VDAC2: variants seen among roughly 807,000 people sequenced by gnomAD.
VDAC2 encodes the protein non-selective voltage-gated ion channel VDAC2.
VDAC2 carries 6 observed loss-of-function variants against 36.6 expected under a neutral mutation model. That is an observed-to-expected ratio of 0.16 (90% CI 0.09 to 0.32). The LOEUF (loss-of-function observed/expected upper bound fraction) is 0.32, where lower values mean the gene tolerates loss of function less well. Ranked by LOEUF, VDAC2 falls within the 10% of genes least tolerant of loss-of-function variation. VDAC2 has a pLI of 1.00. For missense variants in VDAC2, 247 were observed against 346.0 expected, an observed-to-expected ratio of 0.71 and a Z score of 2.27; for synonymous variants, 109 against 123.8, an observed-to-expected ratio of 0.88 and a Z score of 0.79.
intron 6 of VDAC2, among the ~76,000 whole-genome samples, chr10:75,220,442 A>G (rs1841777932): frequency 6.6e-6 from 1 of 152,180 alleles, no homozygotes; most frequent in Non-Finnish European, 1.5e-5. Flanking sequence ...GGTTGCTATC[A>G]TTGGCTTGCC....
intron 4 of VDAC2, among the ~76,000 whole-genome samples, chr10:75,217,149 TG>T (rs1247320321): frequency 6.6e-6 from 1 of 152,058 alleles, no homozygotes; most frequent in Non-Finnish European, 1.5e-5. Context: ...CCCAGCTACT[TG>T]GGAGGCTGAG....
At chr10:75,228,165 A>G (rs1057102419) in intron 8 of VDAC2, among the ~76,000 whole-genome samples, 1 of 152,014 alleles carries the variant, frequency 6.6e-6, no homozygotes, top group Non-Finnish European at 1.5e-5. Context: ...AAGTGCTGGG[A>G]TTACAGGCGT....
chr10:75,222,542 G>T, intron 8 of VDAC2, 140 bp downstream of exon 8: 3 of 1,223,742 alleles, frequency 2.5e-6, no homozygotes, highest in Non-Finnish European at 2.3e-6. Context: ...TTTGAAATGC[G>T]CTTTTTTGAT....
At chr10:75,221,015 G>A (rs1841798470) in intron 7 of VDAC2, 45 bp downstream of exon 7, 1 of 1,539,678 alleles carries the variant, frequency 6.5e-7, no homozygotes, top group African/African-American at 1.4e-5. Context: ...GCCCTCAGAG[G>A]ATGATTTTGA....
chr10:75,230,951 G>A lies in VDAC2; in HGVS notation c.847G>A (p.Gly283Ser). ...LVDGKSINAG[G>S]HKVGLALELE... ...AGATGGGAAGAGCATTAATGCTGGA[G>A]GCCACAAGGTTGGGCTCGCCCTGGA... The change falls in exon 10 of 10, where the codon GGC (glycine) becomes AGC (serine). Residue 283 changes from glycine to serine, a missense_variant. Transcript: ENST00000332211. 1 of 1,613,220 alleles carries A rather than the reference G, an allele frequency of 6.2e-7. No homozygotes were observed. The highest frequency in any genetic ancestry group is 8.5e-7 in the Non-Finnish European group (1 of 1,179,760).
chr10:75,218,500 G>A (rs1027076754), intron 4 of VDAC2, among the ~76,000 whole-genome samples: 3 of 152,164 alleles, frequency 2.0e-5, no homozygotes, highest in East Asian at 1.9e-4. Context: ...GGTGGCTTAC[G>A]TTTGTAATCC....
At chr10:75,215,464 G>A (rs192252030) in intron 4 of VDAC2, among the ~76,000 whole-genome samples, 1 of 150,088 alleles carries the variant, frequency 6.7e-6, no homozygotes, top group Admixed American at 6.7e-5. Context: ...CCTTTCTCCT[G>A]CCTCAGCCTC....
At chr10:75,228,875 G>A (rs1014378589) in intron 8 of VDAC2, among the ~76,000 whole-genome samples, 3 of 152,204 alleles carry the variant, frequency 2.0e-5, no homozygotes, top group African/African-American at 7.2e-5. Flanking sequence ...CATAATGTTA[G>A]GGGTGGTAGA....
In VDAC2 at chr10:75,231,282, T is replaced by G. The variant is rs1318751735; in HGVS notation, c.*293T>G. 4.4e-6 allele frequency: 1 copy of G among 225,402 alleles called. No homozygotes were observed. Among genetic ancestry groups the G allele is most frequent in the Non-Finnish European group, 8.8e-6 (1 of 113,386 alleles). 14.0% of individuals were successfully genotyped at this position (225,402 alleles called of 1,614,324 possible). A position where few individuals can be genotyped will look rare whatever the true frequency, so the allele number is the denominator to read the frequency against. ...TAGACCTTTATGAAAACTGTGCAAT[T>G]GTGTGCATGTTTGTTTTTATGTTCC... On this transcript the variant is annotated 3_prime_UTR_variant, in exon 10 of 10. Transcript: ENST00000332211.
intron 3 of VDAC2, 52 bp from the exon 4 acceptor site, chr10:75,213,969 A>C: frequency 1.9e-6 from 3 of 1,581,128 alleles, no homozygotes; most frequent in Non-Finnish European, 2.6e-6. Flanking sequence ...ATTGCTATGC[A>C]TCTTTCATAC....
At chr10:75,217,800 A>G (rs1356418375) in intron 4 of VDAC2, 5 of 738,740 alleles carry the variant, frequency 6.8e-6, no homozygotes, top group Non-Finnish European at 9.7e-6. Flanking sequence ...CAGCAGAGCA[A>G]TAGTTATACA....
rs1307195689 is a variant in VDAC2 at position 75,210,857 on chromosome 10, G to C, written c.-107G>C. 3 of 336,930 alleles carry C rather than the reference G, an allele frequency of 8.9e-6. No homozygotes were observed. The highest frequency in any genetic ancestry group is 1.6e-5 in the Non-Finnish European group (3 of 185,772). The allele number at this position is 336,930 out of a possible 1,614,324, so 20.9% of individuals were successfully genotyped here. ...TTCACTTCGCCCTCCAGCTGCTGGA[G>C]CTGCAGCCCGACCGCGAGCGTGCCA... On this transcript the variant is annotated 5_prime_UTR_variant, in exon 1 of 10. Transcript: ENST00000332211.
chr10:75,218,873 CTTAT>C (rs1182061026), intron 4 of VDAC2, among the ~76,000 whole-genome samples, 186 bp from the exon 5 acceptor site: 3 of 152,178 alleles, frequency 2.0e-5, no homozygotes, highest in East Asian at 1.9e-4. Context: ...TGCTCAAAGG[CTTAT>C]TTGTCACTCT....
chr10:75,219,002 A>G (rs888837788), intron 4 of VDAC2, 61 bp from the exon 5 acceptor site: 33 of 1,535,182 alleles, frequency 2.1e-5, no homozygotes, highest in Non-Finnish European at 2.7e-5. Flanking sequence ...GTGCGTGTGT[A>G]AGGCAGTGAT....
intron 4 of VDAC2, among the ~76,000 whole-genome samples, chr10:75,215,339 A>G (rs946096338): frequency 6.6e-6 from 1 of 151,834 alleles, no homozygotes; most frequent in Non-Finnish European, 1.5e-5. Context: ...GTATGTATAT[A>G]TATAGAGAGA....
At chr10:75,226,528 C>T (rs1485728797) in intron 8 of VDAC2, among the ~76,000 whole-genome samples, 1 of 146,160 alleles carries the variant, frequency 6.8e-6, no homozygotes, top group African/African-American at 2.6e-5. Flanking sequence ...ACCATCTCTG[C>T]TCACTGCAAC....
At chr10:75,218,141 C>T (rs1012327531) in intron 4 of VDAC2, 3 of 349,852 alleles carry the variant, frequency 8.6e-6, no homozygotes, top group South Asian at 2.2e-5. Context: ...TTTTTCAGTT[C>T]GTGTGCAACC....
chr10:75,216,775 G>C (rs995283646), intron 4 of VDAC2, among the ~76,000 whole-genome samples: 1 of 152,170 alleles, frequency 6.6e-6, no homozygotes. Context: ...TGTCATTCAG[G>C]ATTAAAAATA....
intron 3 of VDAC2, among the ~76,000 whole-genome samples, chr10:75,213,076 G>A (rs1841479472): frequency 1.3e-5 from 2 of 151,836 alleles, no homozygotes; most frequent in Admixed American, 6.6e-5. Context: ...TGATAAGTTG[G>A]TTTTGTTTTT....
Sources: allele counts gnomAD v4.1 joint callset (sites outside exome capture counted in the v4.1 genomes callset), GRCh38; gene constraint gnomAD v4.1.1; transcripts MANE v1.5; gene names NCBI Gene and HGNC (gene_info 2026-07-23, HGNC 2026-07-21).